The following ATP10B variants were observed in gnomAD, a reference collection of about 807,000 sequenced individuals.
ATP10B encodes phospholipid-transporting ATPase VB.
A neutral mutation model predicts 141.2 loss-of-function variants in ATP10B; 122 were observed. That is an observed-to-expected ratio of 0.86 (90% CI 0.75 to 1.00). The LOEUF is 1.00. Among genes scored for constraint, ATP10B ranks in the 50% least tolerant of loss-of-function variants. The probability of loss-of-function intolerance (pLI) is 0.00; values close to 1 mark genes in which losing one functional copy is unlikely to be tolerated. For missense variants in ATP10B, 1,876 were observed against 1,825.3 expected, an observed-to-expected ratio of 1.03 and a Z score of -0.51; for synonymous variants, 685 against 692.0, an observed-to-expected ratio of 0.99 and a Z score of 0.16.
chr5:160,738,185 A>C (rs147947691), intron 2 of ATP10B, among the ~76,000 whole-genome samples: 82 of 152,246 alleles, frequency 5.4e-4, no homozygotes, highest in African/African-American at 1.8e-3. Flanking sequence ...ACTTCTAAAT[A>C]ATTTTGGATG....
At chr5:160,854,035 T>C (rs1473521791), upstream of ATP10B, among the ~76,000 whole-genome samples, 2 of 152,152 alleles carry the variant, frequency 1.3e-5, no homozygotes, top group Non-Finnish European at 2.9e-5. Flanking sequence ...GCTTTTGTAT[T>C]CTTGCTGCCC....
chr5:160,862,302 A>C, the ATP10B span, among the ~76,000 whole-genome samples: 1 of 151,992 alleles, frequency 6.6e-6, no homozygotes, highest in East Asian at 1.9e-4. Context: ...AGGTCACAGA[A>C]GCAGAGCTAA....
the ATP10B span, among the ~76,000 whole-genome samples, chr5:160,863,887 T>C: frequency 6.6e-6 from 1 of 151,872 alleles, no homozygotes; most frequent in South Asian, 2.1e-4. Context: ...CCCTCCTAGA[T>C]TAAACTAGGA....
At chr5:160,646,362 A>G (rs1010119717) in intron 8 of ATP10B, among the ~76,000 whole-genome samples, 9 of 152,214 alleles carry the variant, frequency 5.9e-5, no homozygotes, top group Non-Finnish European at 1.0e-4. Context: ...AAAGCAAAGG[A>G]TGCTATGGCA....
chr5:160,613,716 T>C (rs1459509108), intron 17 of ATP10B, among the ~76,000 whole-genome samples: 1 of 152,220 alleles, frequency 6.6e-6, no homozygotes, highest in African/African-American at 2.4e-5. Context: ...TTTGATAATA[T>C]TCTTGGAGTG....
chr5:160,596,195 T>C (rs1247341094), intron 22 of ATP10B, among the ~76,000 whole-genome samples: 7 of 152,204 alleles, frequency 4.6e-5, no homozygotes, highest in African/African-American at 1.7e-4. Flanking sequence ...TTATCCACCA[T>C]GATCAAGTTG....
intron 2 of ATP10B, among the ~76,000 whole-genome samples, chr5:160,754,676 C>T (rs1768391340): frequency 6.6e-6 from 1 of 152,146 alleles, no homozygotes; most frequent in South Asian, 2.1e-4. Flanking sequence ...CTTGTTAGTT[C>T]TTTGTGGATG....
Position 160,565,697 on chromosome 5 carries a change from G to T in ATP10B, c.4142C>A (p.Thr1381Asn), listed in dbSNP as rs749937020. 2 of 1,614,088 alleles carry T rather than the reference G, an allele frequency of 1.2e-6. No individual in the cohort carries two copies. Among genetic ancestry groups the T allele is most frequent in the South Asian group, 2.2e-5 (2 of 91,078 alleles). Residue 1381 changes from threonine to asparagine, a missense_variant, in exon 26 of 26, where the codon ACC becomes AAC. Transcript: ENST00000327245. ...SITGQDFSASTPKSSNPPKRK... is the reference protein window; with the variant it reads ...SITGQDFSASNPKSSNPPKRK... ...CTTGGGAGGGTTAGAGCTCTTTGGGGTGCTGGCACTGAAGTCCTGTCCTGT... is the reference window on the plus strand; with the variant it reads ...CTTGGGAGGGTTAGAGCTCTTTGGGTTGCTGGCACTGAAGTCCTGTCCTGT...
At chr5:160,638,290 T>G (rs1473980161) in intron 10 of ATP10B, among the ~76,000 whole-genome samples, 2 of 152,158 alleles carry the variant, frequency 1.3e-5, no homozygotes, top group Non-Finnish European at 2.9e-5. Flanking sequence ...CCAAGCAGAT[T>G]CTGGTTTCCC....
rs1304810270 is a variant in ATP10B, at chr5:160,667,180, T to G, written c.675+3283A>C. Reference sequence around the variant, plus strand: ...TTGCAGTGAGCAGAGATCGTGCCACTGCACTCCAGCTTGGGCGACAGAGCA... The same window carrying G: ...TTGCAGTGAGCAGAGATCGTGCCACGGCACTCCAGCTTGGGCGACAGAGCA... On this transcript the variant is annotated intron_variant, in intron 7 of 25. Transcript: ENST00000327245. 2.0e-5 allele frequency among the ~76,000 whole-genome samples: 3 copies of G among 152,090 alleles called. No individual in the cohort carries two copies. In the East Asian group the frequency reaches 5.8e-4, roughly 29 times the overall value.
At chr5:160,882,728 A>G in the ATP10B span, among the ~76,000 whole-genome samples, 21 of 152,320 alleles carry the variant, frequency 1.4e-4, no homozygotes, top group East Asian at 4.1e-3. Context: ...GAAAAATGGT[A>G]TGGAGGAATG....
intron 1 of ATP10B, among the ~76,000 whole-genome samples, chr5:160,788,970 CA>C (rs910651445): frequency 1.3e-5 from 2 of 152,182 alleles, no homozygotes; most frequent in Admixed American, 1.3e-4. Flanking sequence ...GCTTAATCGA[CA>C]TTCAAAAATT....
chr5:160,919,871 C>A, the ATP10B span, among the ~76,000 whole-genome samples: 1 of 152,186 alleles, frequency 6.6e-6, no homozygotes, highest in African/African-American at 2.4e-5. Context: ...AATATCAGAG[C>A]TAGGAATGAG....
At chr5:160,587,907 C>A (rs995885722) in intron 24 of ATP10B, among the ~76,000 whole-genome samples, 1 of 152,180 alleles carries the variant, frequency 6.6e-6, no homozygotes, top group African/African-American at 2.4e-5. Context: ...GGCATGATCT[C>A]GGCTCACTGC....
At chr5:160,749,100 G>A (rs1767989142) in intron 2 of ATP10B, among the ~76,000 whole-genome samples, 2 of 152,124 alleles carry the variant, frequency 1.3e-5, no homozygotes, top group African/African-American at 2.4e-5. Context: ...TTCTTTCTGC[G>A]ACTCCAGAAG....
chr5:160,653,582 CAT>C (rs1269598035), intron 7 of ATP10B, among the ~76,000 whole-genome samples: 12 of 21,758 alleles, frequency 5.5e-4, no homozygotes, highest in South Asian at 3.2e-3. Context: ...TACATATATA[CAT>C]ATATACATAT....
At chr5:160,760,590 C>G (rs769193997) in intron 2 of ATP10B, among the ~76,000 whole-genome samples, 8 of 152,180 alleles carry the variant, frequency 5.3e-5, no homozygotes, top group Non-Finnish European at 8.8e-5. Context: ...TAAAACCAAT[C>G]AACTACTTTC....
chr5:160,797,401 T>C (rs1772025503), intron 1 of ATP10B, among the ~76,000 whole-genome samples: 1 of 152,230 alleles, frequency 6.6e-6, no homozygotes, highest in Admixed American at 6.5e-5. Context: ...CTAGCTTTGC[T>C]AAATTGTTTA....
intron 2 of ATP10B, among the ~76,000 whole-genome samples, chr5:160,758,771 A>G (rs1045687355): frequency 1.3e-5 from 2 of 152,210 alleles, no homozygotes; most frequent in African/African-American, 4.8e-5. Context: ...CATGGGAGTC[A>G]AGATTTAGAT....
Sources: gnomAD v4.1 joint callset for allele counts (sites outside exome capture counted in the v4.1 genomes callset) on GRCh38, gnomAD v4.1.1 for gene constraint, MANE v1.5 for transcripts, NCBI Gene and HGNC (gene_info 2026-07-23, HGNC 2026-07-21) for gene names.